DHRSX: variants seen among roughly 807,000 people sequenced by gnomAD.
DHRSX encodes the protein dehydrogenase/reductase X-linked, also known as polyprenol dehydrogenase.
A neutral mutation model predicts 34.0 loss-of-function variants in DHRSX; 31 were observed. The observed-to-expected ratio is 0.91, with a 90% CI of 0.69 to 1.23. The LOEUF is 1.23. Ranked by LOEUF, DHRSX falls within the 50% of genes most tolerant of loss-of-function variation. The pLI is 0.00. For missense variants in DHRSX, 414 were observed against 428.1 expected (o/e 0.97, Z 0.29); for synonymous variants, 201 against 183.8 (o/e 1.09, Z -0.76).
chrX:2,306,577 C>T (rs372176935), intron 3 of DHRSX, among the ~76,000 whole-genome samples: 16 of 152,002 alleles, frequency 1.1e-4, no homozygotes, highest in African/African-American at 2.9e-4. Flanking sequence ...TTCAGCCTCC[C>T]AAGTAGCTGG....
intron 5 of DHRSX, among the ~76,000 whole-genome samples, chrX:2,248,294 G>A (rs1283587994): frequency 6.6e-6 from 1 of 152,030 alleles, no homozygotes; most frequent in Non-Finnish European, 1.5e-5. Context: ...TTAACTGGGT[G>A]TGGTGGTGGG....
At chrX:2,319,478 G>A (rs1452005280) in intron 3 of DHRSX, among the ~76,000 whole-genome samples, 1 of 150,346 alleles carries the variant, frequency 6.7e-6, no homozygotes, top group East Asian at 1.9e-4. Flanking sequence ...AGGAGACGGA[G>A]GTTGCAGTGA....
chrX:2,423,550 T>G (rs2043807564), intron 2 of DHRSX, among the ~76,000 whole-genome samples: 1 of 152,188 alleles, frequency 6.6e-6, no homozygotes. Context: ...TATGATTATG[T>G]CACTGCACTG....
chrX:2,419,826 G>C (rs2043750345), intron 2 of DHRSX, among the ~76,000 whole-genome samples: 1 of 126,840 alleles, frequency 7.9e-6, no homozygotes, highest in Non-Finnish European at 1.7e-5. Flanking sequence ...TGTGGGGTGG[G>C]GGGAGGGGGG....
chrX:2,474,494 G>C (rs2044643707), intron 1 of DHRSX, among the ~76,000 whole-genome samples: 1 of 151,612 alleles, frequency 6.6e-6, no homozygotes. Context: ...CGCTCCCTAA[G>C]AATGTGGCCA....
At chrX:2,324,537 A>T (rs1286684619) in intron 3 of DHRSX, among the ~76,000 whole-genome samples, 1 of 151,998 alleles carries the variant, frequency 6.6e-6, no homozygotes, top group Non-Finnish European at 1.5e-5. Flanking sequence ...AGGGTTCCAT[A>T]ACACTGGATA....
chrX:2,220,674 A>T lies in DHRSX; in HGVS notation c.*367T>A. On this transcript the variant is annotated 3_prime_UTR_variant, in exon 7 of 7. Coordinates refer to ENST00000334651, the MANE Select transcript of DHRSX (RefSeq NM_145177.3). ...GACCTCATCCACCACTAGGTCTCAG[A>T]GAGGACATTGCAGCCCCTGAAAAGA... 4.5e-6 allele frequency: 1 copy of T among 221,466 alleles called. No homozygotes were observed. Among genetic ancestry groups the T allele is most frequent in the Non-Finnish European group, 8.9e-6 (1 of 112,776 alleles). 13.7% of individuals were successfully genotyped at this position (221,466 alleles called of 1,614,324 possible).
At chrX:2,440,407 G>A (rs2044047987) in intron 1 of DHRSX, among the ~76,000 whole-genome samples, 1 of 151,910 alleles carries the variant, frequency 6.6e-6, no homozygotes, top group East Asian at 1.9e-4. Flanking sequence ...TCCGTATGTT[G>A]CCCAGGCTGG....
intron 1 of DHRSX, chrX:2,489,863 A>C (rs2045078474): frequency 6.2e-7 from 1 of 1,613,646 alleles, no homozygotes; most frequent in Non-Finnish European, 8.5e-7. Context: ...GGGCATGTGC[A>C]CTGCGACGTC....
intron 5 of DHRSX, among the ~76,000 whole-genome samples, chrX:2,243,809 T>TTGTTTTGTTTTG (rs1569478902): frequency 9.6e-6 from 1 of 104,468 alleles, no homozygotes; most frequent in Non-Finnish European, 1.9e-5. Flanking sequence ...TTTTTTTTTT[T>TTGTTTTGTTTTG]TTTTTTTTTT....
At chrX:2,239,768 CA>C (rs747846678) in intron 6 of DHRSX, among the ~76,000 whole-genome samples, 1 of 150,448 alleles carries the variant, frequency 6.6e-6, no homozygotes, top group African/African-American at 2.5e-5. Flanking sequence ...GACTCAGTCT[CA>C]AAAAAAATAA....
chrX:2,357,113 G>A (rs1215075547), intron 3 of DHRSX, among the ~76,000 whole-genome samples: 8 of 152,180 alleles, frequency 5.3e-5, no homozygotes, highest in East Asian at 1.9e-4. Flanking sequence ...GCATGGTGGC[G>A]TGCGCCTGTA....
chrX:2,394,537 G>A (rs1431796412), intron 3 of DHRSX, among the ~76,000 whole-genome samples: 3 of 152,190 alleles, frequency 2.0e-5, no homozygotes, highest in Non-Finnish European at 4.4e-5. Flanking sequence ...ACATTTACAC[G>A]TGAGGATAAC....
rs746743292 is a variant in DHRSX at position 2,430,822 on chromosome X, G to A, written c.110-5518C>T. On this transcript the variant is annotated intron_variant, in intron 1 of 6. Coordinates refer to ENST00000334651, the MANE Select transcript of DHRSX (RefSeq NM_145177.3). ...GAGCCCAGGAGTTCAAGACCAGCCT[G>A]GGCAACATAGTGAAGCCCCATTGCT... Among the ~76,000 whole-genome samples, 17 of 151,748 alleles carry A rather than the reference G, an allele frequency of 1.1e-4. No individual in the cohort carries two copies. The South Asian group carries it at 3.3e-3, about 30-fold the overall frequency.
chrX:2,356,141 C>T (rs1484945782), intron 3 of DHRSX, among the ~76,000 whole-genome samples: 5 of 150,904 alleles, frequency 3.3e-5, no homozygotes, highest in African/African-American at 7.3e-5. Flanking sequence ...TTTGGGAGGC[C>T]GAGGCAGGCA....
intron 1 of DHRSX, among the ~76,000 whole-genome samples, chrX:2,492,052 C>T (rs191199857): frequency 2.4e-3 from 369 of 152,240 alleles, no homozygotes; most frequent in Admixed American, 5.5e-3. Flanking sequence ...CACCCAGGCA[C>T]GTTCAGAGTG....
intron 3 of DHRSX, among the ~76,000 whole-genome samples, chrX:2,392,013 T>C (rs2043340999): frequency 6.6e-6 from 1 of 152,024 alleles, no homozygotes; most frequent in African/African-American, 2.4e-5. Context: ...TGGGGATGAG[T>C]CAGCAATTAT....
rs150962351 is a variant in DHRSX at position 2,366,035 on chromosome X, G to T, written c.286+42710C>A. Among the ~76,000 whole-genome samples the T allele has an allele frequency of 9.6e-3, 1,457 of 152,214 alleles. 41 individuals carry two copies. The highest frequency in any genetic ancestry group is 0.086 in the East Asian group (445 of 5,180). On this transcript the variant is annotated intron_variant, in intron 3 of 6. Coordinates refer to ENST00000334651, the MANE Select transcript of DHRSX (RefSeq NM_145177.3). Reference sequence around the variant, plus strand: ...TCTGCCCAATGTCTTTCCCGAATGGGAATCTCTTCACCACACGGCCAATTT... The same window carrying T: ...TCTGCCCAATGTCTTTCCCGAATGGTAATCTCTTCACCACACGGCCAATTT...
intron 5 of DHRSX, among the ~76,000 whole-genome samples, chrX:2,253,172 T>C (rs2016473431): frequency 1.3e-5 from 2 of 151,982 alleles, no homozygotes; most frequent in Non-Finnish European, 2.9e-5. Flanking sequence ...GAGGCAGATA[T>C]GGCAGTGAGC....
Sources: gnomAD v4.1 joint callset for allele counts (sites outside exome capture counted in the v4.1 genomes callset) on GRCh38, gnomAD v4.1.1 for gene constraint, MANE v1.5 for transcripts, NCBI Gene and HGNC (gene_info 2026-07-23, HGNC 2026-07-21) for gene names.